CCDC40: variants seen among roughly 807,000 people sequenced by gnomAD.
The protein encoded by CCDC40 is coiled-coil domain 40 molecular ruler complex subunit.
CCDC40 carries 104 observed loss-of-function variants against 124.5 expected under a neutral mutation model. That is an observed-to-expected ratio of 0.84 (90% confidence interval 0.71 to 0.98). The LOEUF (loss-of-function observed/expected upper bound fraction) is 0.98. Ranked by LOEUF, CCDC40 falls within the 50% of genes least tolerant of loss-of-function variation. The pLI, the probability that CCDC40 is intolerant of heterozygous loss-of-function variation, is 0.00. For synonymous variants in CCDC40, 580 were observed against 602.9 expected (o/e 0.96, Z 0.56); for missense variants, 1,463 against 1,503.9 (o/e 0.97, Z 0.45).
chr17:80,057,170 C>T (rs935742973), intron 7 of CCDC40, among the ~76,000 whole-genome samples: 6 of 151,926 alleles, frequency 3.9e-5, no homozygotes, highest in African/African-American at 1.5e-4. Flanking sequence ...CTTTGTCACC[C>T]AGGCTGTAGT....
At chr17:80,074,841 G>A (rs2038274755) in intron 10 of CCDC40, among the ~76,000 whole-genome samples, 1 of 152,136 alleles carries the variant, frequency 6.6e-6, no homozygotes, top group African/African-American at 2.4e-5. Context: ...TCTGAGCAAA[G>A]TAAGTTGAAA....
chr17:80,068,632 T>G (rs1005792094), intron 10 of CCDC40, among the ~76,000 whole-genome samples: 35 of 151,922 alleles, frequency 2.3e-4, no homozygotes, highest in African/African-American at 8.5e-4. Flanking sequence ...GGTACCCTGG[T>G]GGCTGTCTGG....
At chr17:80,055,991 TATATATATATATATA>T (rs2143637775) in intron 7 of CCDC40, among the ~76,000 whole-genome samples, 1 of 12,092 alleles carries the variant, frequency 8.3e-5, no homozygotes, top group Non-Finnish European at 1.9e-4. Context: ...CATATATATA[TATATATATATATATA>T]TATATATATA....
chr17:80,082,513 C>G (rs1260918506), intron 12 of CCDC40, among the ~76,000 whole-genome samples: 2 of 152,082 alleles, frequency 1.3e-5, no homozygotes, highest in African/African-American at 4.8e-5. Flanking sequence ...TCAAGCAGGC[C>G]CCTTTGGAGG....
At chr17:80,094,316 G>A (rs937105169) in intron 17 of CCDC40, among the ~76,000 whole-genome samples, 1 of 152,072 alleles carries the variant, frequency 6.6e-6, no homozygotes, top group Non-Finnish European at 1.5e-5. Flanking sequence ...GGAGGCTGAG[G>A]CAGGAGAATT....
chr17:80,078,678 A>G (rs531782838), intron 10 of CCDC40, among the ~76,000 whole-genome samples: 70 of 152,270 alleles, frequency 4.6e-4, no homozygotes, highest in Admixed American at 7.2e-4. Context: ...TTCTAACTAG[A>G]GCTTTATGGA....
intron 17 of CCDC40, 186 bp downstream of exon 17, chr17:80,090,070 GC>G (rs1267263775): frequency 6.5e-7 from 1 of 1,536,886 alleles, no homozygotes; most frequent in African/African-American, 1.4e-5. Flanking sequence ...CTGCACTCCA[GC>G]CGAGCACTGG....
In CCDC40 at chr17:80,039,950, G is replaced by A. The variant is rs1568667170; in HGVS notation, c.232G>A (p.Glu78Lys). The change falls in exon 3 of 20, where the codon GAA becomes AAA. Residue 78 changes from glutamate to lysine, a missense_variant. Coordinates refer to ENST00000397545, the MANE Select transcript of CCDC40 (RefSeq NM_017950.4). ...GGAGACAGAAGGGGAAGCAGCAGTGGAAGGGGAAGAGGAGGCTGTGTCCTA... is the reference window on the plus strand; with the variant it reads ...GGAGACAGAAGGGGAAGCAGCAGTGAAAGGGGAAGAGGAGGCTGTGTCCTA... ...EVETEGEAAV[E>K]GEEEAVSYGD... is the part of the protein sequence containing the mutation. The A allele has an allele frequency of 6.2e-6, 10 of 1,613,764 alleles. No individual in the cohort carries two copies. The highest frequency in any genetic ancestry group is 7.6e-6 in the Non-Finnish European group (9 of 1,179,742).
intron 19 of CCDC40, chr17:80,098,027 T>C (rs935727709): frequency 1.9e-5 from 3 of 161,510 alleles, no homozygotes; most frequent in Non-Finnish European, 1.3e-5. Context: ...GTCAGGGTCA[T>C]TGGGGTGAAC....
Position 80,097,105 on chromosome 17 carries a change from C to T in CCDC40, c.3022-140C>T, listed in dbSNP as rs1224044123. On this transcript the variant is annotated intron_variant, in intron 18 of 19. Coordinates refer to ENST00000397545, the MANE Select transcript of CCDC40 (RefSeq NM_017950.4). ...CTGGCATCTCCCAGGCCTCGCCTCT[C>T]CAGCCCTCCCATTCCTCTTTGGGAG... 5.4e-6 allele frequency: 5 copies of T among 933,090 alleles called. No homozygotes were observed. In the African/African-American group the frequency reaches 8.1e-5, roughly 15 times the overall value. The allele number at this position is 933,090 out of a possible 1,614,324, so 57.8% of individuals were successfully genotyped here.
At chr17:80,046,023 A>T (rs1329940416) in intron 3 of CCDC40, among the ~76,000 whole-genome samples, 1 of 151,984 alleles carries the variant, frequency 6.6e-6, no homozygotes, top group Non-Finnish European at 1.5e-5. Context: ...ATACAAACAT[A>T]ATTTACTATG....
At chr17:80,083,885 A>G (rs1380487155) in intron 12 of CCDC40, among the ~76,000 whole-genome samples, 2 of 152,242 alleles carry the variant, frequency 1.3e-5, no homozygotes, top group Non-Finnish European at 2.9e-5. Context: ...AGAGTACAGC[A>G]CAGCCATTAC....
chr17:80,098,251 G>A (rs764445326), intron 19 of CCDC40, among the ~76,000 whole-genome samples: 4 of 152,336 alleles, frequency 2.6e-5, no homozygotes, highest in African/African-American at 7.2e-5. Context: ...AGAGAGGGGC[G>A]GCCCAGACTG....
intron 3 of CCDC40, among the ~76,000 whole-genome samples, chr17:80,042,823 G>A (rs906299786): frequency 1.3e-5 from 2 of 150,792 alleles, no homozygotes; most frequent in African/African-American, 2.4e-5. Context: ...GGTTAAGGAA[G>A]TTCCCTTGTA....
chr17:80,063,723 C>T (rs2037962445), intron 9 of CCDC40, among the ~76,000 whole-genome samples: 1 of 152,208 alleles, frequency 6.6e-6, no homozygotes, highest in Admixed American at 6.5e-5. Flanking sequence ...TGGTCTCGGA[C>T]CCCTGACCTC....
chr17:80,099,609 G>C lies in CCDC40; in HGVS notation c.3263G>C (p.Arg1088Pro), dbSNP rs200145777. 6.2e-7 allele frequency: 1 copy of C among 1,613,626 alleles called. No individual in the cohort carries two copies. The highest frequency in any genetic ancestry group is 8.5e-7 in the Non-Finnish European group (1 of 1,180,022). ...VKEGRYVFLFRSKQSLVLERQ... is the reference protein window; with the variant it reads ...VKEGRYVFLFPSKQSLVLERQ... ...GAGGGGCGCTACGTGTTCCTGTTCC[G>C]CTCCAAGCAGTCCCTAGTGCTGGAG... The change falls in exon 20 of 20, where the codon CGC becomes CCC. Residue 1088 changes from arginine to proline, a missense_variant. Physicochemically the swap from Arg to Pro is moderately radical, Grantham distance 103. Coordinates refer to ENST00000397545, the MANE Select transcript of CCDC40 (RefSeq NM_017950.4).
chr17:80,078,330 CAAAAA>C (rs71163916), intron 10 of CCDC40, among the ~76,000 whole-genome samples: 2 of 67,154 alleles, frequency 3.0e-5, no homozygotes, highest in Non-Finnish European at 3.1e-5. Flanking sequence ...GACTCTGTCT[CAAAAA>C]AAAAAAAAAA....
At chr17:80,051,621 T>C (rs1167779548) in intron 7 of CCDC40, among the ~76,000 whole-genome samples, 1 of 94,086 alleles carries the variant, frequency 1.1e-5, no homozygotes, top group African/African-American at 4.4e-5. Flanking sequence ...AGAGCGAGAC[T>C]CCGTCTCAAA....
intron 7 of CCDC40, among the ~76,000 whole-genome samples, chr17:80,056,509 C>T (rs113698593): frequency 0.092 from 14,056 of 151,962 alleles, 686 homozygotes; most frequent in Middle Eastern, 0.13. Flanking sequence ...TGCCTGGAGT[C>T]CCAGCTACTT....
Sources: gnomAD v4.1 joint callset for allele counts (sites outside exome capture counted in the v4.1 genomes callset) on GRCh38, gnomAD v4.1.1 for gene constraint, MANE v1.5 for transcripts, NCBI Gene and HGNC (gene_info 2026-07-23, HGNC 2026-07-21) for gene names.